The following C2CD5 variants were observed in gnomAD, a reference collection of about 807,000 sequenced individuals.
The protein encoded by C2CD5 is C2 calcium dependent domain containing 5.
In C2CD5, 109 loss-of-function variants were observed where a neutral mutation model predicts 130.3. The observed-to-expected ratio is 0.84, with a 90% CI of 0.72 to 0.98. C2CD5 has a LOEUF of 0.98. C2CD5 is among the 50% of genes least tolerant of loss of function. The pLI, the probability that C2CD5 is intolerant of heterozygous loss-of-function variation, is 0.00. For synonymous variants in C2CD5, 454 were observed against 429.2 expected (o/e 1.06, Z -0.71); for missense variants, 996 against 1,261.8 (o/e 0.79, Z 3.19).
At chr12:22,486,762 G>A (rs1489981496) in intron 12 of C2CD5, among the ~76,000 whole-genome samples, 1 of 152,146 alleles carries the variant, frequency 6.6e-6, no homozygotes, top group Admixed American at 6.6e-5. Flanking sequence ...TGCCGAGAAT[G>A]TTGGTAGAAC....
At chr12:22,490,815 A>G (rs974217957) in intron 11 of C2CD5, among the ~76,000 whole-genome samples, 2 of 152,176 alleles carry the variant, frequency 1.3e-5, no homozygotes, top group Non-Finnish European at 2.9e-5. Flanking sequence ...AAGCTAAAAA[A>G]TTAAACAATC....
At chr12:22,509,876 C>T (rs549499977) in intron 9 of C2CD5, among the ~76,000 whole-genome samples, 2 of 152,260 alleles carry the variant, frequency 1.3e-5, no homozygotes, top group African/African-American at 2.4e-5. Context: ...GATTTTATTA[C>T]ACCTGATGAA....
intron 18 of C2CD5, 92 bp downstream of exon 18, chr12:22,472,194 A>G: frequency 1.1e-6 from 1 of 878,352 alleles, no homozygotes; most frequent in Non-Finnish European, 1.8e-6. Flanking sequence ...TAATTGCAAT[A>G]AGGAGGTAAA....
chr12:22,482,875 A>G (rs1944926331), intron 13 of C2CD5, 132 bp from the exon 14 acceptor site: 28 of 662,892 alleles, frequency 4.2e-5, no homozygotes. Flanking sequence ...AGTTATATCA[A>G]TAATCTGTTC....
Position 22,459,482 on chromosome 12 carries a change from A to G in C2CD5, c.2584+10T>C. ...CTTTGGTGACTATTTGCTTAATTAG[A>G]CAAACTCACCTCTCTGTGCAGCTGG... On this transcript the variant is annotated intron_variant, in intron 23 of 26. Transcript: ENST00000446597. 1 of 1,520,972 alleles carries G rather than the reference A, an allele frequency of 6.6e-7. No individual in the cohort carries two copies. The highest frequency in any genetic ancestry group is 1.2e-5 in the South Asian group (1 of 83,730). The allele number at this position is 1,520,972 out of a possible 1,614,324, so 94.2% of individuals were successfully genotyped here. A position where few individuals can be genotyped will look rare whatever the true frequency, so the allele number is the denominator to read the frequency against.
At chr12:22,471,722 T>C (rs1294893907) in intron 19 of C2CD5, among the ~76,000 whole-genome samples, 1 of 152,028 alleles carries the variant, frequency 6.6e-6, no homozygotes, top group Non-Finnish European at 1.5e-5. Flanking sequence ...TTTTTAAATA[T>C]ACACATATAC....
chr12:22,511,715 T>C (rs537621045), intron 9 of C2CD5, among the ~76,000 whole-genome samples: 1 of 152,350 alleles, frequency 6.6e-6, no homozygotes, highest in South Asian at 2.1e-4. Flanking sequence ...AATATTTTTT[T>C]CCCTTAAAGT....
At chr12:22,503,203 A>G (rs898011061) in intron 10 of C2CD5, among the ~76,000 whole-genome samples, 4 of 152,124 alleles carry the variant, frequency 2.6e-5, no homozygotes, top group African/African-American at 9.7e-5. Flanking sequence ...TCCCATATTC[A>G]CCGGTCAAAA....
intron 22 of C2CD5, among the ~76,000 whole-genome samples, chr12:22,468,179 T>C (rs1375955882): frequency 6.6e-6 from 1 of 151,218 alleles, no homozygotes; most frequent in East Asian, 1.9e-4. Context: ...ATAAAGTAGA[T>C]GTTAAAGAAA....
intron 8 of C2CD5, among the ~76,000 whole-genome samples, chr12:22,515,407 G>A (rs1949621001): frequency 6.6e-6 from 1 of 151,982 alleles, no homozygotes; most frequent in Non-Finnish European, 1.5e-5. Flanking sequence ...ACTAACTTAG[G>A]ATTTTATGTG....
intron 2 of C2CD5, among the ~76,000 whole-genome samples, chr12:22,543,606 CTG>C (rs149182303): frequency 1.3e-5 from 2 of 151,652 alleles, no homozygotes; most frequent in East Asian, 1.9e-4. Context: ...GTGTGTGTGC[CTG>C]TGTGTGTGTG....
chr12:22,503,606 G>T (rs1948087583), intron 10 of C2CD5, among the ~76,000 whole-genome samples: 2 of 151,996 alleles, frequency 1.3e-5, no homozygotes. Context: ...CATCTCTAGG[G>T]TCCAAGTGAT....
chr12:22,502,900 C>T, intron 10 of C2CD5: 1 of 672,658 alleles, frequency 1.5e-6, no homozygotes, highest in Non-Finnish European at 2.6e-6. Context: ...ATTGACAACA[C>T]CACTCGACAG....
chr12:22,542,185 C>T (rs1952456705), intron 2 of C2CD5, among the ~76,000 whole-genome samples: 1 of 152,236 alleles, frequency 6.6e-6, no homozygotes, highest in Non-Finnish European at 1.5e-5. Context: ...CATCCCCATT[C>T]AGGCCATCCT....
intron 18 of C2CD5, 85 bp downstream of exon 18, chr12:22,472,201 T>TAA (rs373390040): frequency 6.6e-5 from 46 of 697,998 alleles, no homozygotes; most frequent in African/African-American, 3.5e-4. Context: ...AATAAGGAGG[T>TAA]AAAAAAAAAA....
intron 3 of C2CD5, among the ~76,000 whole-genome samples, chr12:22,529,686 A>G (rs1463206624): frequency 6.6e-6 from 1 of 152,220 alleles, no homozygotes; most frequent in Admixed American, 6.5e-5. Flanking sequence ...ATGCACTGCC[A>G]AAAGACTGCA....
At chr12:22,516,753 GTCTT>G (rs780008765) in intron 8 of C2CD5, among the ~76,000 whole-genome samples, 2 of 151,522 alleles carry the variant, frequency 1.3e-5, no homozygotes, top group Non-Finnish European at 3.0e-5. Context: ...AGTAATGTAA[GTCTT>G]TCTTGTCTTG....
chr12:22,535,635 C>T (rs1003170547), intron 2 of C2CD5, among the ~76,000 whole-genome samples: 12 of 152,000 alleles, frequency 7.9e-5, no homozygotes, highest in Middle Eastern at 3.2e-3. Flanking sequence ...ATCAACAACC[C>T]AATAGAAAAA....
Position 22,493,226 on chromosome 12 carries a change from A to G in C2CD5, c.1259T>C (p.Ile420Thr). 6.5e-7 allele frequency: 1 copy of G among 1,531,956 alleles called. No homozygotes were observed. The highest frequency in any genetic ancestry group is 9.0e-7 in the Non-Finnish European group (1 of 1,112,766). 94.9% of individuals were successfully genotyped at this position (1,531,956 alleles called of 1,614,324 possible). ...AVVGYSESTS[I>T]CEEVCILSAS... ...TCAAGTTGTTATTATCATTTACCAGATGCTAGTTGATTCACTGTAGCCCAC... is the reference window on the plus strand; with the variant it reads ...TCAAGTTGTTATTATCATTTACCAGGTGCTAGTTGATTCACTGTAGCCCAC... Residue 420 changes from isoleucine to threonine, a missense_variant, in exon 11 of 27, where the codon ATC (isoleucine) becomes ACC (threonine). This residue lies in a region of C2CD5 where 590 missense variants were observed against 631.4 expected (regional missense o/e 0.93). Transcript: ENST00000446597.
Sources: gnomAD v4.1 joint callset for allele counts (sites outside exome capture counted in the v4.1 genomes callset) on GRCh38, gnomAD v4.1.1 for gene constraint, gnomAD v4.1.1 regional missense constraint, MANE v1.5 for transcripts, NCBI Gene and HGNC (gene_info 2026-07-23, HGNC 2026-07-21) for gene names.